Variants in PTPRT observed in about 807,000 individuals in gnomAD.
The protein encoded by PTPRT is protein tyrosine phosphatase receptor type T.
In PTPRT, 56 loss-of-function variants were observed where a neutral mutation model predicts 176.8. The ratio of observed to expected loss-of-function variants is 0.32; its 90% CI spans 0.26 to 0.40. The LOEUF is 0.40. Among genes scored for constraint, PTPRT ranks in the 10% least tolerant of loss-of-function variants. The probability of loss-of-function intolerance (pLI) is 1.00; values close to 1 mark genes in which losing one functional copy is unlikely to be tolerated. For missense variants in PTPRT, 1,540 were observed against 1,908.2 expected (o/e 0.81, Z 3.60); for synonymous variants, 783 against 739.0 (o/e 1.06, Z -0.96).
chr20:42,800,377 G>A lies in PTPRT; in HGVS notation c.215-8911C>T, dbSNP rs568938691. Among the ~76,000 whole-genome samples, 251 of 152,234 alleles carry A rather than the reference G, an allele frequency of 1.6e-3. 1 individual carries two copies. Among genetic ancestry groups the A allele is most frequent in the African/African-American group, 5.8e-3 (243 of 41,546 alleles). ...GGAGCTGGTTCATGCAGGAAGAGGG[G>A]TAAAGAATGGAAAGAACGAACAAAA... On this transcript the variant is annotated intron_variant, in intron 2 of 30. Transcript: ENST00000373187.
chr20:42,746,120 T>C (rs2145360875), intron 6 of PTPRT, among the ~76,000 whole-genome samples: 1 of 152,380 alleles, frequency 6.6e-6, no homozygotes, highest in East Asian at 1.9e-4. Flanking sequence ...AGCATGCAGC[T>C]GATAAAGTAG....
Position 42,656,058 on chromosome 20 carries a change from T to C in PTPRT, c.1153+21808A>G, listed in dbSNP as rs541466226. 5.3e-5 allele frequency among the ~76,000 whole-genome samples: 8 copies of C among 152,240 alleles called. No individual in the cohort carries two copies. In the South Asian group the frequency reaches 1.5e-3, roughly 28 times the overall value. On this transcript the variant is annotated intron_variant, in intron 7 of 30. Transcript: ENST00000373187. ...TATGATCCTTGAAGCAAGTTCTCAATGCACATGAGCTGGATAGAGCTTTTA... is the reference window on the plus strand; with the variant it reads ...TATGATCCTTGAAGCAAGTTCTCAACGCACATGAGCTGGATAGAGCTTTTA...
At position 42,878,795 on chromosome 20, in the gene PTPRT, G is replaced by A. The variant is rs1048937144; in HGVS notation, c.214+7012C>T. ...TGTAATCCCAGCACTTTGGGAGGCC[G>A]AGGTGGGCGGATCATGAGGTCAGGA... On this transcript the variant is annotated intron_variant, in intron 2 of 30. Transcript: ENST00000373187. Among the ~76,000 whole-genome samples the A allele has an allele frequency of 2.8e-4, 43 of 152,250 alleles. 1 individual carries two copies. Among genetic ancestry groups the A allele is most frequent in the Middle Eastern group, 3.4e-3 (1 of 294 alleles).
intron 7 of PTPRT, among the ~76,000 whole-genome samples, chr20:42,496,314 T>C (rs1321805232): frequency 6.6e-6 from 1 of 152,188 alleles, no homozygotes; most frequent in Admixed American, 6.5e-5. Context: ...TTTTCACTTT[T>C]TTATTTCTCT....
chr20:42,900,102 G>A (rs900363865), intron 1 of PTPRT, among the ~76,000 whole-genome samples: 3 of 152,200 alleles, frequency 2.0e-5, no homozygotes, highest in Admixed American at 6.5e-5. Context: ...GAGATATTCC[G>A]CAAAGCATTG....
intron 1 of PTPRT, among the ~76,000 whole-genome samples, chr20:42,903,755 C>T (rs750605999): frequency 6.6e-6 from 1 of 152,116 alleles, no homozygotes; most frequent in Non-Finnish European, 1.5e-5. Context: ...TATTTGGATA[C>T]CAAGATTGGG....
chr20:42,232,334 T>C (rs1440657065), intron 15 of PTPRT, among the ~76,000 whole-genome samples: 1 of 152,196 alleles, frequency 6.6e-6, no homozygotes, highest in Non-Finnish European at 1.5e-5. Context: ...ATAAGACAAC[T>C]GAGACTCCAG....
chr20:43,122,995 C>G (rs574548591), intron 1 of PTPRT, among the ~76,000 whole-genome samples: 2 of 152,076 alleles, frequency 1.3e-5, no homozygotes, highest in African/African-American at 2.4e-5. Flanking sequence ...ACTGGGATTA[C>G]AGGTGTGAGC....
At chr20:42,940,121 G>C (rs555890283) in intron 1 of PTPRT, among the ~76,000 whole-genome samples, 25 of 152,308 alleles carry the variant, frequency 1.6e-4, no homozygotes, top group African/African-American at 6.0e-4. Context: ...AGTTCTACCA[G>C]TGAGGATACA....
At chr20:42,497,767 A>C (rs2071681325) in intron 7 of PTPRT, among the ~76,000 whole-genome samples, 1 of 152,266 alleles carries the variant, frequency 6.6e-6, no homozygotes, top group South Asian at 2.1e-4. Context: ...AAATCCTGCA[A>C]CCACATAAGA....
chr20:42,906,610 G>A (rs557366882), intron 1 of PTPRT, among the ~76,000 whole-genome samples: 114 of 152,256 alleles, frequency 7.5e-4, no homozygotes, highest in African/African-American at 2.4e-3. Context: ...GGCTTCAGTT[G>A]TAAACATTCA....
chr20:42,101,471 C>T (rs752571969), intron 26 of PTPRT, among the ~76,000 whole-genome samples: 1 of 152,106 alleles, frequency 6.6e-6, no homozygotes, highest in Non-Finnish European at 1.5e-5. Flanking sequence ...AGCTTAGGCT[C>T]GCTGGACCAG....
intron 1 of PTPRT, among the ~76,000 whole-genome samples, chr20:43,111,346 T>C (rs946734249): frequency 2.0e-5 from 3 of 151,728 alleles, no homozygotes; most frequent in Non-Finnish European, 4.4e-5. Flanking sequence ...GAGACCAGCC[T>C]GGCCAACAAA....
intron 3 of PTPRT, among the ~76,000 whole-genome samples, chr20:42,783,216 C>T (rs1019126029): frequency 6.6e-6 from 1 of 152,138 alleles, no homozygotes; most frequent in Non-Finnish European, 1.5e-5. Flanking sequence ...TTACACAATG[C>T]TTTCTTAATA....
intron 17 of PTPRT, among the ~76,000 whole-genome samples, chr20:42,152,471 C>T (rs1346398450): frequency 6.6e-6 from 1 of 152,220 alleles, no homozygotes; most frequent in Non-Finnish European, 1.5e-5. Context: ...GTGACAGGAA[C>T]TTTGATCAAG....
At chr20:42,395,279 G>A (rs1205756661) in intron 9 of PTPRT, among the ~76,000 whole-genome samples, 1 of 152,086 alleles carries the variant, frequency 6.6e-6, no homozygotes, top group Non-Finnish European at 1.5e-5. Flanking sequence ...TGAGAACACG[G>A]CACATGTCAG....
In PTPRT at chr20:43,100,942, C is replaced by G. The variant is rs777355086; in HGVS notation, c.88+88704G>C. 5.3e-5 allele frequency among the ~76,000 whole-genome samples: 8 copies of G among 152,248 alleles called. No individual in the cohort carries two copies. The East Asian group carries it at 1.4e-3, about 26-fold the overall frequency. ...ATAGTAGCTAAGGTGTTAAAAAATA[C>G]AATACTAAAATTCCCAGGCAAAGCA... On this transcript the variant is annotated intron_variant, in intron 1 of 30. Coordinates refer to ENST00000373187, the MANE Select transcript of PTPRT (RefSeq NM_007050.6).
At chr20:43,106,436 GC>G (rs2012606363) in intron 1 of PTPRT, among the ~76,000 whole-genome samples, 1 of 152,062 alleles carries the variant, frequency 6.6e-6, no homozygotes, top group Admixed American at 6.5e-5. Context: ...GGTGGGTGGA[GC>G]ACCTGAGGTC....
chr20:42,756,354 T>C (rs556736757), intron 6 of PTPRT, 108 bp downstream of exon 6: 1 of 1,175,592 alleles, frequency 8.5e-7, no homozygotes, highest in African/African-American at 1.6e-5. Flanking sequence ...GAAATTAATC[T>C]CCTCTTTTAC....
Sources: allele counts gnomAD v4.1 joint callset (sites outside exome capture counted in the v4.1 genomes callset), GRCh38; gene constraint gnomAD v4.1.1; transcripts MANE v1.5; gene names NCBI Gene and HGNC (gene_info 2026-07-23, HGNC 2026-07-21).